Variants in ZNF530 observed in about 807,000 individuals in gnomAD.
ZNF530 encodes zinc finger protein 530.
A neutral mutation model predicts 2.8 loss-of-function variants in ZNF530; 5 were observed. That is an observed-to-expected ratio of 1.80 (90% CI 0.94 to 3.78). The LOEUF (loss-of-function observed/expected upper bound fraction) is 3.78, where lower values mean the gene tolerates loss of function less well. ZNF530 is among the 30% of genes most tolerant of loss of function. The pLI, the probability that ZNF530 is intolerant of heterozygous loss-of-function variation, is 0.00. For synonymous variants in ZNF530, 229 were observed against 235.0 expected, an observed-to-expected ratio of 0.97 and a Z score of 0.23; for missense variants, 619 against 673.3, an observed-to-expected ratio of 0.92 and a Z score of 0.89.
downstream of ZNF530, among the ~76,000 whole-genome samples, chr19:57,611,845 C>T (rs75010090): frequency 2.5e-4 from 38 of 152,254 alleles, no homozygotes; most frequent in East Asian, 6.4e-3. Flanking sequence ...AATTGCCTGA[C>T]ATTCCTGGGG....
Position 57,607,613 on chromosome 19 carries a change from G to A in ZNF530, c.*288G>A. On this transcript the variant is annotated 3_prime_UTR_variant, in exon 4 of 4. Transcript: ENST00000597700. ...ACCTGCTTCAGCCTACCAAAGTGCT[G>A]GGATTACAGGCGTGAGCCACCATGT... The A allele has an allele frequency of 5.6e-6, 2 of 359,596 alleles. No homozygotes were observed. The highest frequency in any genetic ancestry group is 1.0e-5 in the Non-Finnish European group (2 of 198,570). The allele number at this position is 359,596 out of a possible 1,614,324, so 22.3% of individuals were successfully genotyped here. A position where few individuals can be genotyped will look rare whatever the true frequency, so the allele number is the denominator to read the frequency against.
In ZNF530 at chr19:57,606,615, A is replaced by G. The variant is rs1213805362; in HGVS notation, c.991A>G (p.Thr331Ala). The G allele has an allele frequency of 6.2e-7, 1 of 1,613,764 alleles. No homozygotes were observed. The highest frequency in any genetic ancestry group is 1.1e-5 in the South Asian group (1 of 91,052). Reference protein sequence around the residue: ...SECGKSFSHSTNLFRHWRVHT... With the variant: ...SECGKSFSHSANLFRHWRVHT... ...ATGTGGAAAATCCTTTAGCCATAGC[A>G]CTAACCTCTTTCGACACTGGAGAGT... is the stretch of plus-strand genomic sequence containing the variant. The change falls in exon 4 of 4, where the codon ACT becomes GCT. Residue 331 changes from threonine to alanine, a missense_variant. By Grantham distance (58) the Thr-to-Ala change is moderately conservative. Transcript: ENST00000597700.
Position 57,606,400 on chromosome 19 carries a change from A to G in ZNF530, c.776A>G (p.Glu259Gly). The G allele has an allele frequency of 6.2e-7, 1 of 1,613,848 alleles. No individual in the cohort carries two copies. Among genetic ancestry groups the G allele is most frequent in the South Asian group, 1.1e-5 (1 of 91,064 alleles). Residue 259 changes from glutamate to glycine, a missense_variant, in exon 4 of 4, where the codon GAA becomes GGA. Transcript: ENST00000597700. ...CAACACCAAAGAGTTCACACTGGAGAAAGGCCTTATGACTGCAGTGAATGT... is the reference window on the plus strand; with the variant it reads ...CAACACCAAAGAGTTCACACTGGAGGAAGGCCTTATGACTGCAGTGAATGT... ...LTQHQRVHTGERPYDCSECGK... is the reference protein window; with the variant it reads ...LTQHQRVHTGGRPYDCSECGK...
downstream of ZNF530, among the ~76,000 whole-genome samples, chr19:57,610,500 A>G (rs1333959730): frequency 1.3e-5 from 2 of 151,936 alleles, no homozygotes; most frequent in Non-Finnish European, 2.9e-5. Flanking sequence ...TTACACCTCA[A>G]TGAACCTATA....
In ZNF530 at chr19:57,606,997, A is replaced by G. The variant is rs748998076; in HGVS notation, c.1373A>G (p.Tyr458Cys). The G allele has an allele frequency of 2.1e-5, 34 of 1,614,058 alleles. No homozygotes were observed. In the East Asian group the frequency reaches 7.1e-4, roughly 34 times the overall value. ...ACAGTTCACACTGGAGAAAGGCCTT[A>G]TGAGTGCAGTGTATGTGGGAAATCT... ...HQTVHTGERP[Y>C]ECSVCGKSFI... Residue 458 changes from tyrosine (Y) to cysteine (C), a missense_variant, in exon 4 of 4, where the codon TAT becomes TGT. Tyr to Cys is a radical substitution (Grantham distance 194). Transcript: ENST00000597700.
downstream of ZNF530, among the ~76,000 whole-genome samples, chr19:57,610,957 A>G (rs1409718226): frequency 1.3e-5 from 2 of 152,026 alleles, no homozygotes; most frequent in Non-Finnish European, 2.9e-5. Flanking sequence ...TTTGTATTAT[A>G]TGTCTTGACA....
Position 57,605,724 on chromosome 19 carries a change from G to T in ZNF530, c.100G>T (p.Ala34Ser), listed in dbSNP as rs746781559. Reference protein sequence around the residue: ...CGAVDEGTPSAESVSVEELSQ... With the variant: ...CGAVDEGTPSSESVSVEELSQ... ...AGCAGTAGATGAGGGGACGCCTTCT[G>T]CAGAGAGCGTTTCTGTGGAAGAACT... Residue 34 changes from alanine to serine, a missense_variant, in exon 4 of 4, where the codon GCA becomes TCA. Ala to Ser is a moderately conservative substitution (Grantham distance 99, BLOSUM62 1). Coordinates refer to ENST00000597700, the MANE Select transcript of ZNF530 (RefSeq NM_001321981.2). 6.2e-7 allele frequency: 1 copy of T among 1,613,850 alleles called. No individual in the cohort carries two copies. Among genetic ancestry groups the T allele is most frequent in the South Asian group, 1.1e-5 (1 of 91,046 alleles).
At position 57,609,155 on chromosome 19, in the gene ZNF530, AC is replaced by A. The variant is rs963909796; in HGVS notation, c.*1834del. 6.6e-6 allele frequency: 1 copy of A among 152,162 alleles called. No homozygotes were observed. The highest frequency in any genetic ancestry group is 2.1e-4 in the South Asian group (1 of 4,812). 9.4% of individuals were successfully genotyped at this position (152,162 alleles called of 1,614,324 possible). A position where few individuals can be genotyped will look rare whatever the true frequency, so the allele number is the denominator to read the frequency against. ...AGACCAGACTGGCCAACATGGTGAA[AC>A]CCCATCTCTACTGAAAATACAAAAA... On this transcript the variant is annotated 3_prime_UTR_variant, in exon 4 of 4. Transcript: ENST00000597700.
In ZNF530 at chr19:57,600,526, A is replaced by C. The variant is rs114641961; in HGVS notation, c.-121-202A>C. 6.5e-3 allele frequency among the ~76,000 whole-genome samples: 983 copies of C among 152,326 alleles called. 15 individuals are homozygous for C. Among genetic ancestry groups the C allele is most frequent in the African/African-American group, 0.022 (933 of 41,582 alleles). On this transcript the variant is annotated intron_variant, in intron 1 of 3. Transcript: ENST00000597700. ...AAAGCTGTTCAGAGGAACGCGCTGG[A>C]AGGGCAGTGATGATAGCAGGCATGG... is the stretch of plus-strand genomic sequence containing the variant.
At chr19:57,611,863 C>T (rs954289826), downstream of ZNF530, among the ~76,000 whole-genome samples, 1 of 152,118 alleles carries the variant, frequency 6.6e-6, no homozygotes, top group Non-Finnish European at 1.5e-5. Flanking sequence ...GGGTCCCTCT[C>T]TCCTGCCCTA....
In ZNF530 at chr19:57,607,004, C is replaced by A. The variant is rs748544463; in HGVS notation, c.1380C>A (p.Cys460Ter). ...ACACTGGAGAAAGGCCTTATGAGTGCAGTGTATGTGGGAAATCTTTTATCC... is the reference window on the plus strand; with the variant it reads ...ACACTGGAGAAAGGCCTTATGAGTGAAGTGTATGTGGGAAATCTTTTATCC... ...TVHTGERPYE[C>*]SVCGKSFIRK... is the part of the protein sequence containing the mutation. The change falls in exon 4 of 4, where the codon TGC (cysteine) becomes TGA (stop). Residue 460 changes from cysteine to a stop codon, truncating the protein, a stop_gained. Transcript: ENST00000597700. LOFTEE classifies it low-confidence loss of function (END_TRUNC). The A allele has an allele frequency of 1.9e-6, 3 of 1,614,134 alleles. No individual in the cohort carries two copies. The highest frequency in any genetic ancestry group is 2.5e-6 in the Non-Finnish European group (3 of 1,179,996).
chr19:57,605,746 A>G lies in ZNF530; in HGVS notation c.122A>G (p.Glu41Gly). Residue 41 changes from glutamate to glycine, a missense_variant, in exon 4 of 4, where the codon GAA (glutamate) becomes GGA (glycine). Transcript: ENST00000597700. ...TPSAESVSVEELSQGRTPKAD... is the reference protein window; with the variant it reads ...TPSAESVSVEGLSQGRTPKAD... ...TCTGCAGAGAGCGTTTCTGTGGAAG[A>G]ACTGTCACAGGGCAGGACTCCAAAG... The G allele has an allele frequency of 6.2e-7, 1 of 1,614,112 alleles. No individual in the cohort carries two copies. Among genetic ancestry groups the G allele is most frequent in the Non-Finnish European group, 8.5e-7 (1 of 1,180,010 alleles).
rs774070413 is a variant in ZNF530 at position 57,607,438 on chromosome 19, G to C, written c.*113G>C. On this transcript the variant is annotated 3_prime_UTR_variant, in exon 4 of 4. Coordinates refer to ENST00000597700, the MANE Select transcript of ZNF530 (RefSeq NM_001321981.2). The stretch of plus-strand genomic sequence containing the variant: ...CAGCTCACTGCAACCTCCGCCTCCT[G>C]GGATCAAGTGATTCTCCTGCCACAG... 3.8e-6 allele frequency: 4 copies of C among 1,054,750 alleles called. No individual in the cohort carries two copies. The highest frequency in any genetic ancestry group is 5.3e-6 in the Non-Finnish European group (4 of 749,556). The allele number at this position is 1,054,750 out of a possible 1,614,324, so 65.3% of individuals were successfully genotyped here. A position where few individuals can be genotyped will look rare whatever the true frequency, so the allele number is the denominator to read the frequency against.
In ZNF530 at chr19:57,599,925, G is replaced by A. The variant is rs1041344872; in HGVS notation, c.-331G>A. 1 of 629,302 alleles carries A rather than the reference G, an allele frequency of 1.6e-6. No individual in the cohort carries two copies. The highest frequency in any genetic ancestry group is 1.8e-5 in the African/African-American group (1 of 54,294). 39.0% of individuals were successfully genotyped at this position (629,302 alleles called of 1,614,324 possible). Reference sequence around the variant, plus strand: ...CTCCCTGTGGCGGGCACTTTGGCTTGTGTCAGTTCCATCCGCGGGTGCCGG... The same window carrying A: ...CTCCCTGTGGCGGGCACTTTGGCTTATGTCAGTTCCATCCGCGGGTGCCGG... On this transcript the variant is annotated 5_prime_UTR_variant, in exon 1 of 4. In the 5' UTR this introduces an upstream ATG that the reference lacks. Transcript: ENST00000597700.
chr19:57,610,412 A>ATATGTGTGTGTGTGTGTGTG (rs756027774), downstream of ZNF530, among the ~76,000 whole-genome samples: 1 of 147,180 alleles, frequency 6.8e-6, no homozygotes, highest in Non-Finnish European at 1.5e-5. Context: ...AAGTGTACAT[A>ATATGTGTGTGTGTGTGTGTG]TGTGTGTGTG....
At position 57,606,577 on chromosome 19, in the gene ZNF530, A is replaced by T. The variant is rs749137810; in HGVS notation, c.953A>T (p.Tyr318Phe). Residue 318 changes from tyrosine (Y) to phenylalanine (F), a missense_variant, in exon 4 of 4, where the codon TAT becomes TTT. Coordinates refer to ENST00000597700, the MANE Select transcript of ZNF530 (RefSeq NM_001321981.2). ...HRSAHTSTRP[Y>F]ECSECGKSFS... ...AGTGCCCACACTAGCACAAGGCCTT[A>T]TGAGTGCAGTGAATGTGGAAAATCC... The T allele has an allele frequency of 6.2e-7, 1 of 1,614,150 alleles. No homozygotes were observed. Among genetic ancestry groups the T allele is most frequent in the Non-Finnish European group, 8.5e-7 (1 of 1,180,010 alleles).
chr19:57,606,598 A>G lies in ZNF530; in HGVS notation c.974A>G (p.Lys325Arg). The G allele has an allele frequency of 6.2e-7, 1 of 1,614,146 alleles. No individual in the cohort carries two copies. The highest frequency in any genetic ancestry group is 8.5e-7 in the Non-Finnish European group (1 of 1,180,032). ...CCTTATGAGTGCAGTGAATGTGGAA[A>G]ATCCTTTAGCCATAGCACTAACCTC... ...TRPYECSECG[K>R]SFSHSTNLFR... Residue 325 changes from lysine to arginine, a missense_variant, in exon 4 of 4, where the codon AAA becomes AGA. By Grantham distance (26) the Lys-to-Arg change is conservative (BLOSUM62 2). Transcript: ENST00000597700.
chr19:57,611,235 C>A (rs1306895921), downstream of ZNF530, among the ~76,000 whole-genome samples: 1 of 152,054 alleles, frequency 6.6e-6, no homozygotes, highest in Non-Finnish European at 1.5e-5. Context: ...CAGGAAGAGA[C>A]CAAGGCAAGT....
chr19:57,610,765 C>T (rs1980846801), downstream of ZNF530, among the ~76,000 whole-genome samples: 1 of 152,132 alleles, frequency 6.6e-6, no homozygotes, highest in Non-Finnish European at 1.5e-5. Context: ...TAAAACCTTG[C>T]CTGAATCAGT....
Sources: allele counts gnomAD v4.1 joint callset (sites outside exome capture counted in the v4.1 genomes callset), GRCh38; gene constraint gnomAD v4.1.1; transcripts MANE v1.5; gene names NCBI Gene and HGNC (gene_info 2026-07-23, HGNC 2026-07-21).